Variants in GANAB observed in about 807,000 individuals in gnomAD.
The protein encoded by GANAB is glucosidase II alpha subunit.
In GANAB, 35 loss-of-function variants were observed where a neutral mutation model predicts 129.9. The ratio of observed to expected loss-of-function variants is 0.27; its 90% CI spans 0.21 to 0.36. GANAB has a LOEUF of 0.36. GANAB is among the 10% of genes least tolerant of loss of function. GANAB has a pLI of 1.00. For missense variants in GANAB, 939 were observed against 1,221.0 expected (o/e 0.77, Z 3.44); for synonymous variants, 482 against 451.8 (o/e 1.07, Z -0.85).
At position 62,630,614 on chromosome 11, in the gene GANAB, G is replaced by A. The variant is rs951594627; in HGVS notation, c.1373C>T (p.Ser458Phe). ...GCAACCCCTTACCTTCCGCCTCTTA[G>A]AAGCCAAGCGCTCAAGCATGGTGCG... is the stretch of plus-strand genomic sequence containing the variant. ...QPRTMLERLA[S>F]KRRKLVAIVD... The change falls in exon 11 of 24, where the codon TCT (serine) becomes TTT (phenylalanine). Residue 458 changes from serine to phenylalanine, a missense_variant. This residue lies in a region of GANAB where 220 missense variants were observed against 295.9 expected (regional missense o/e 0.74). Coordinates refer to ENST00000356638, the MANE Select transcript of GANAB (RefSeq NM_198334.3). The A allele has an allele frequency of 3.1e-6, 5 of 1,611,942 alleles. No homozygotes were observed. The highest frequency in any genetic ancestry group is 1.3e-5 in the African/African-American group (1 of 74,896).
In GANAB at chr11:62,632,689, T is replaced by C. The variant is rs757594879; in HGVS notation, c.872A>G (p.Asn291Ser). The C allele has an allele frequency of 2.9e-5, 46 of 1,613,694 alleles. No homozygotes were observed. Among genetic ancestry groups the C allele is most frequent in the Non-Finnish European group, 3.9e-5 (46 of 1,179,818 alleles). ...CACAGACCCATACAAGGCCATTGGGTTGTACAGCTCATACTGGAACACATC... is the reference window on the plus strand; with the variant it reads ...CACAGACCCATACAAGGCCATTGGGCTGTACAGCTCATACTGGAACACATC... ...NLDVFQYELY[N>S]PMALYGSVPV... is the part of the protein sequence containing the mutation. The change falls in exon 9 of 24, where the codon AAC becomes AGC. Residue 291 changes from asparagine (N) to serine (S), a missense_variant. Coordinates refer to ENST00000356638, the MANE Select transcript of GANAB (RefSeq NM_198334.3).
rs1044417735 is a variant in GANAB, at chr11:62,646,601, T to C, written c.-2A>G. On this transcript the variant is annotated 5_prime_UTR_variant, in exon 1 of 24. Coordinates refer to ENST00000356638, the MANE Select transcript of GANAB (RefSeq NM_198334.3). ...CGCCACTGCCGCTACCGCCGCCATC[T>C]TGTGCAGAGTTTGCTCCTTGACCCC... is the stretch of plus-strand genomic sequence containing the variant. 1.2e-6 allele frequency: 2 copies of C among 1,614,028 alleles called. No individual in the cohort carries two copies. Among genetic ancestry groups the C allele is most frequent in the Non-Finnish European group, 1.7e-6 (2 of 1,179,974 alleles).
intron 4 of GANAB, among the ~76,000 whole-genome samples, chr11:62,636,236 C>G (rs1943933031): frequency 6.6e-6 from 1 of 151,806 alleles, no homozygotes; most frequent in African/African-American, 2.4e-5. Context: ...AGTGATCTGT[C>G]CGCCTTGGCC....
intron 5 of GANAB, chr11:62,634,319 A>G (rs1241129509): frequency 4.4e-6 from 7 of 1,604,984 alleles, no homozygotes; most frequent in Non-Finnish European, 6.0e-6. Context: ...CCTAGAGAAA[A>G]GGTTCTTGAT....
rs754833448 is a variant in GANAB at position 62,626,377 on chromosome 11, A to T, written c.2582T>A (p.Leu861Gln). The change falls in exon 22 of 24, where the codon CTG (leucine) becomes CAG (glutamine). Residue 861 changes from leucine (L) to glutamine (Q), a missense_variant. Around this residue, in one of 5 missense-constraint regions of GANAB, gnomAD observed 230 missense variants for 259.9 expected, o/e 0.89. Coordinates refer to ENST00000356638, the MANE Select transcript of GANAB (RefSeq NM_198334.3). ...TFNYQTRQEF[L>Q]LRRFSFSGNT... ...GCCAGAGAATGAGAATCGACGCAGC[A>T]GGAACTCTTGGCGAGTCTGATAGTT... 1.7e-5 allele frequency: 27 copies of T among 1,613,490 alleles called. No individual in the cohort carries two copies. The highest frequency in any genetic ancestry group is 2.1e-5 in the Non-Finnish European group (25 of 1,179,470).
chr11:62,640,036 C>T (rs554695033), intron 1 of GANAB: 4 of 286,186 alleles, frequency 1.4e-5, no homozygotes, highest in Non-Finnish European at 2.0e-5. Flanking sequence ...GAGATCAAGA[C>T]CATCCTGGCT....
In GANAB at chr11:62,639,613, C is replaced by T. The variant is rs763260444; in HGVS notation, c.143+14G>A. 5.7e-6 allele frequency: 9 copies of T among 1,581,000 alleles called. No individual in the cohort carries two copies. The highest frequency in any genetic ancestry group is 7.0e-6 in the Non-Finnish European group (8 of 1,149,998). ...AACCCTACATTCCATCCCTCTCCCCCAGAAATATCATACTTGCAGAAAGAA... is the reference window on the plus strand; with the variant it reads ...AACCCTACATTCCATCCCTCTCCCCTAGAAATATCATACTTGCAGAAAGAA... On this transcript the variant is annotated intron_variant, in intron 2 of 23. Transcript: ENST00000356638.
intron 1 of GANAB, among the ~76,000 whole-genome samples, chr11:62,644,554 G>A (rs1944396632): frequency 6.6e-6 from 1 of 152,102 alleles, no homozygotes; most frequent in African/African-American, 2.4e-5. Context: ...GCAAGAGTTT[G>A]AGGCTGCATG....
intron 16 of GANAB, 48 bp downstream of exon 16, chr11:62,629,146 T>C (rs753362062): frequency 6.5e-7 from 1 of 1,547,238 alleles, no homozygotes; most frequent in African/African-American, 1.4e-5. Flanking sequence ...GCCCTCTACT[T>C]TGCCCCTTTC....
chr11:62,631,708 AC>A (rs1786477893), intron 9 of GANAB, among the ~76,000 whole-genome samples: 1 of 151,740 alleles, frequency 6.6e-6, no homozygotes, highest in African/African-American at 2.4e-5. Context: ...TGATCTGTCC[AC>A]CTCGCCCTCC....
intron 4 of GANAB, among the ~76,000 whole-genome samples, 158 bp downstream of exon 4, chr11:62,638,825 A>G (rs978449367): frequency 6.6e-6 from 1 of 152,160 alleles, no homozygotes; most frequent in Non-Finnish European, 1.5e-5. Context: ...GAGAAAAGTG[A>G]AACAGAAGAA....
intron 5 of GANAB, 175 bp from the exon 6 acceptor site, chr11:62,633,689 A>G (rs892996616): frequency 4.9e-5 from 30 of 617,942 alleles, no homozygotes; most frequent in Non-Finnish European, 7.5e-5. Context: ...AAGTTTGCAA[A>G]GGATGGGGAG....
rs191211488 is a variant in GANAB, at chr11:62,640,596, G to A, written c.39-865C>T. ...TGCCTGTAATCCCAGCACTTAGGGA[G>A]GCCAAGGCTGACAGATCACGAGGTC... On this transcript the variant is annotated intron_variant, in intron 1 of 23. Transcript: ENST00000356638. Among the ~76,000 whole-genome samples, 31 of 149,092 alleles carry A rather than the reference G, an allele frequency of 2.1e-4. No homozygotes were observed. In the East Asian group the frequency reaches 4.0e-3, roughly 19 times the overall value.
At chr11:62,636,709 G>A (rs960433884) in intron 4 of GANAB, among the ~76,000 whole-genome samples, 1 of 152,062 alleles carries the variant, frequency 6.6e-6, no homozygotes, top group Admixed American at 6.6e-5. Context: ...CAGCTACTTG[G>A]GCATAGTGGC....
At chr11:62,641,904 G>T (rs2957119) in intron 1 of GANAB, among the ~76,000 whole-genome samples, 149,580 of 150,654 alleles carry the variant, frequency 0.99, 74,266 homozygotes, top group Middle Eastern at 1. Context: ...TGTGGTTTTT[G>T]TTTTTTTTCT....
At position 62,630,233 on chromosome 11, in the gene GANAB, G is replaced by C; in HGVS notation, c.1557C>G (p.Ala519=). 1 of 1,613,476 alleles carries C rather than the reference G, an allele frequency of 6.2e-7. No individual in the cohort carries two copies. The highest frequency in any genetic ancestry group is 8.5e-7 in the Non-Finnish European group (1 of 1,179,538). Residue 519 remains alanine (A), a synonymous_variant, in exon 13 of 24, where the codon GCC becomes GCG. Transcript: ENST00000356638. ...CATAGCTGAACATGTTAGCCCACCA[G>C]GCCCTCATCGTGGGATTAGTGAAGT... ...YPDFTNPTMR[A]WWANMFSYDN... is the part of the protein sequence containing the mutation.
chr11:62,628,080 T>C (rs559959084), intron 17 of GANAB, among the ~76,000 whole-genome samples: 39 of 152,126 alleles, frequency 2.6e-4, no homozygotes, highest in Non-Finnish European at 5.0e-4. Context: ...TCCTAGTACA[T>C]AACAAACTAA....
At position 62,633,250 on chromosome 11, in the gene GANAB, C is replaced by A. The variant is rs772252547; in HGVS notation, c.652G>T (p.Ala218Ser). Residue 218 changes from alanine to serine, a missense_variant, in exon 7 of 24, where the codon GCA becomes TCA. Around this residue, in one of 5 missense-constraint regions of GANAB, gnomAD observed 321 missense variants for 329.1 expected, o/e 0.98. Coordinates refer to ENST00000356638, the MANE Select transcript of GANAB (RefSeq NM_198334.3). The part of the protein sequence containing the change: ...GDKPEETQGK[A>S]EKDEPGAWEE... ...CAGGCTCCTGGCTCATCTTTCTCTGCCTTCCCCTGAGTCTCCTCTGGCTGT... is the reference window on the plus strand; with the variant it reads ...CAGGCTCCTGGCTCATCTTTCTCTGACTTCCCCTGAGTCTCCTCTGGCTGT... 6.2e-7 allele frequency: 1 copy of A among 1,613,972 alleles called. No homozygotes were observed. The highest frequency in any genetic ancestry group is 1.3e-5 in the African/African-American group (1 of 75,022).
intron 19 of GANAB, 44 bp downstream of exon 19, chr11:62,627,004 T>A: frequency 6.3e-7 from 1 of 1,592,662 alleles, no homozygotes; most frequent in Non-Finnish European, 8.6e-7. Context: ...TTTGCCTCCT[T>A]TGGCTTCCAC....
Sources: allele counts gnomAD v4.1 joint callset (sites outside exome capture counted in the v4.1 genomes callset), GRCh38; gene constraint gnomAD v4.1.1; regional missense constraint gnomAD v4.1.1; transcripts MANE v1.5; gene names NCBI Gene and HGNC (gene_info 2026-07-23, HGNC 2026-07-21).